RNASEH2C: variants seen among roughly 807,000 people sequenced by gnomAD.
RNASEH2C encodes the protein ribonuclease H2 subunit C.
A neutral mutation model predicts 16.3 loss-of-function variants in RNASEH2C; 20 were observed. The ratio of observed to expected loss-of-function variants is 1.23; its 90% CI spans 0.86 to 1.79. The LOEUF is 1.79. Ranked by LOEUF, RNASEH2C falls within the 40% of genes most tolerant of loss-of-function variation. The probability of loss-of-function intolerance (pLI) is 0.00; values close to 1 mark genes in which losing one functional copy is unlikely to be tolerated. For missense variants in RNASEH2C, 296 were observed against 235.9 expected (o/e 1.25, Z -1.67); for synonymous variants, 106 against 98.9 (o/e 1.07, Z -0.43).
chr11:65,718,283 T>G lies in RNASEH2C; in HGVS notation c.*1500A>C, dbSNP rs575319291. On this transcript the variant is annotated 3_prime_UTR_variant, in exon 4 of 4. Transcript: ENST00000308418. ...GCAAAGGAAAATTGGAGGCCCCTTC[T>G]TCCCATGAGCCATTTTCTCTGCATC... is the stretch of plus-strand genomic sequence containing the variant. 8.2e-5 allele frequency: 23 copies of G among 280,450 alleles called. No homozygotes were observed. The South Asian group carries it at 1.7e-3, about 21-fold the overall frequency. 17.4% of individuals were successfully genotyped at this position (280,450 alleles called of 1,614,324 possible).
chr11:65,718,502 G>T lies in RNASEH2C; in HGVS notation c.*1281C>A, dbSNP rs528634366. The T allele has an allele frequency of 4.3e-6, 6 of 1,408,598 alleles. No individual in the cohort carries two copies. In the African/African-American group the frequency reaches 7.1e-5, roughly 17 times the overall value. 87.3% of individuals were successfully genotyped at this position (1,408,598 alleles called of 1,614,324 possible). ...GTGGCAGGGCCATGATAGGAACTAG[G>T]CAGCCTGCCTTGGCAACCTGTGTTT... On this transcript the variant is annotated 3_prime_UTR_variant, in exon 4 of 4. Transcript: ENST00000308418.
At chr11:65,719,967 T>C in intron 3 of RNASEH2C, 78 bp downstream of exon 3, 2 of 1,608,670 alleles carry the variant, frequency 1.2e-6, no homozygotes, top group Non-Finnish European at 1.7e-6. Context: ...CCCAGTAGAA[T>C]CCTCCAGGCT....
In RNASEH2C at chr11:65,720,755, C is replaced by A. The variant is rs1857363780; in HGVS notation, c.4G>T (p.Glu2Ter). Reference sequence around the variant, plus strand: ...TCGATGGCCGCTTCGTCGCCGCTCTCCATCCTCCCTCCTACGCGACGCCAG... The same window carrying A: ...TCGATGGCCGCTTCGTCGCCGCTCTACATCCTCCCTCCTACGCGACGCCAG... M[E>*]SGDEAAIERH... Residue 2 changes from glutamate to a stop codon, truncating the protein, a stop_gained, in exon 1 of 4, where the codon GAG (glutamate) becomes TAG (stop). Transcript: ENST00000308418. LOFTEE classifies it high-confidence loss of function. The A allele has an allele frequency of 1.3e-6, 2 of 1,590,752 alleles. No homozygotes were observed. The highest frequency in any genetic ancestry group is 2.3e-5 in the East Asian group (1 of 43,820).
rs1388954201 is a variant in RNASEH2C at position 65,720,074 on chromosome 11, C to T, written c.439G>A (p.Ala147Thr). ...IPGPDAKVRG[A>T]LTWPSLAAAI... The stretch of plus-strand genomic sequence containing the variant: ...GCCGCAAGGCTGGGCCAAGTTAAGG[C>T]CCCACGCACTTTGGCATCCGGGCCA... The change falls in exon 3 of 4, where the codon GCC (alanine) becomes ACC (threonine). Residue 147 changes from alanine (A) to threonine (T), a missense_variant. Ala to Thr is a moderately conservative substitution (Grantham distance 58). Coordinates refer to ENST00000308418, the MANE Select transcript of RNASEH2C (RefSeq NM_032193.4). The T allele has an allele frequency of 6.2e-7, 1 of 1,614,028 alleles. No individual in the cohort carries two copies. The highest frequency in any genetic ancestry group is 1.1e-5 in the South Asian group (1 of 91,088).
chr11:65,719,223 G>C lies in RNASEH2C; in HGVS notation c.*560C>G. Reference sequence around the variant, plus strand: ...GCAGTGCCAAGACGGCAGCAGGACTGGGGCTGATAGCCCACCCCGCCCCCA... The same window carrying C: ...GCAGTGCCAAGACGGCAGCAGGACTCGGGCTGATAGCCCACCCCGCCCCCA... On this transcript the variant is annotated 3_prime_UTR_variant, in exon 4 of 4. Coordinates refer to ENST00000308418, the MANE Select transcript of RNASEH2C (RefSeq NM_032193.4). 6.2e-7 allele frequency: 1 copy of C among 1,603,852 alleles called. No individual in the cohort carries two copies. The highest frequency in any genetic ancestry group is 8.5e-7 in the Non-Finnish European group (1 of 1,175,474).
chr11:65,719,235 C>G lies in RNASEH2C; in HGVS notation c.*548G>C. On this transcript the variant is annotated 3_prime_UTR_variant, in exon 4 of 4. Coordinates refer to ENST00000308418, the MANE Select transcript of RNASEH2C (RefSeq NM_032193.4). ...CGGCAGCAGGACTGGGGCTGATAGC[C>G]CACCCCGCCCCCACTGCAGCTCCCA... 3 of 1,588,668 alleles carry G rather than the reference C, an allele frequency of 1.9e-6. No homozygotes were observed. The highest frequency in any genetic ancestry group is 2.6e-6 in the Non-Finnish European group (3 of 1,166,558).
chr11:65,720,056 G>A lies in RNASEH2C; in HGVS notation c.457C>T (p.Leu153Phe), dbSNP rs3178149. 18 of 1,613,706 alleles carry A rather than the reference G, an allele frequency of 1.1e-5. No individual in the cohort carries two copies. Among genetic ancestry groups the A allele is most frequent in the Non-Finnish European group, 1.4e-5 (17 of 1,180,058 alleles). Residue 153 changes from leucine (L) to phenylalanine (F), a missense_variant, in exon 3 of 4, where the codon CTT becomes TTT. Coordinates refer to ENST00000308418, the MANE Select transcript of RNASEH2C (RefSeq NM_032193.4). Reference sequence around the variant, plus strand: ...CCTCGTCTACTCACCGCTGCCGCAAGGCTGGGCCAAGTTAAGGCCCCACGC... The same window carrying A: ...CCTCGTCTACTCACCGCTGCCGCAAAGCTGGGCCAAGTTAAGGCCCCACGC... The part of the protein sequence containing the change: ...KVRGALTWPS[L>F]AAAIHAQVPE...
Position 65,719,010 on chromosome 11 carries a change from G to A in RNASEH2C, c.*773C>T, listed in dbSNP as rs1340123771. On this transcript the variant is annotated 3_prime_UTR_variant, in exon 4 of 4. Transcript: ENST00000308418. Reference sequence around the variant, plus strand: ...TGGGATGCAGAGTGCAGTCCTCTGTGGGCTGACCACCTGCTGAACCCATCT... The same window carrying A: ...TGGGATGCAGAGTGCAGTCCTCTGTAGGCTGACCACCTGCTGAACCCATCT... 6.2e-7 allele frequency: 1 copy of A among 1,614,018 alleles called. No individual in the cohort carries two copies. Among genetic ancestry groups the A allele is most frequent in the Non-Finnish European group, 8.5e-7 (1 of 1,179,956 alleles).
In RNASEH2C at chr11:65,718,615, G is replaced by C; in HGVS notation, c.*1168C>G. 1.9e-6 allele frequency: 3 copies of C among 1,614,206 alleles called. No individual in the cohort carries two copies. Among genetic ancestry groups the C allele is most frequent in the Non-Finnish European group, 2.5e-6 (3 of 1,180,034 alleles). On this transcript the variant is annotated 3_prime_UTR_variant, in exon 4 of 4. Transcript: ENST00000308418. ...GCTATGAACTCTCCAAAGTGGAAGGGAAAACAGGGACCCCTGAGAAGCCCC... is the reference window on the plus strand; with the variant it reads ...GCTATGAACTCTCCAAAGTGGAAGGCAAAACAGGGACCCCTGAGAAGCCCC...
chr11:65,719,841 T>G (rs754078641), intron 3 of RNASEH2C, 32 bp from the exon 4 acceptor site: 2 of 1,613,962 alleles, frequency 1.2e-6, no homozygotes, highest in Non-Finnish European at 1.7e-6. Flanking sequence ...CTGTTGGACT[T>G]GTAAGACAGG....
In RNASEH2C at chr11:65,719,340, G is replaced by C. The variant is rs1857318627; in HGVS notation, c.*443C>G. 1.1e-6 allele frequency: 1 copy of C among 902,362 alleles called. No individual in the cohort carries two copies. Among genetic ancestry groups the C allele is most frequent in the Non-Finnish European group, 1.6e-6 (1 of 611,444 alleles). 55.9% of individuals were successfully genotyped at this position (902,362 alleles called of 1,614,324 possible). A position where few individuals can be genotyped will look rare whatever the true frequency, so the allele number is the denominator to read the frequency against. On this transcript the variant is annotated 3_prime_UTR_variant, in exon 4 of 4. Coordinates refer to ENST00000308418, the MANE Select transcript of RNASEH2C (RefSeq NM_032193.4). ...CCTGGCAGGGGCCCACTGGTGCCCAGCACCAAGGCGAGCTCCGGGCTCAGA... is the reference window on the plus strand; with the variant it reads ...CCTGGCAGGGGCCCACTGGTGCCCACCACCAAGGCGAGCTCCGGGCTCAGA...
intron 3 of RNASEH2C, 73 bp from the exon 4 acceptor site, chr11:65,719,882 G>GTT: frequency 1.2e-6 from 2 of 1,606,756 alleles, no homozygotes; most frequent in Non-Finnish European, 8.5e-7. Context: ...CCCGAGGAAG[G>GTT]ACCCAGCTGT....
chr11:65,718,804 G>A lies in RNASEH2C; in HGVS notation c.*979C>T. 1.2e-6 allele frequency: 2 copies of A among 1,613,930 alleles called. No homozygotes were observed. Among genetic ancestry groups the A allele is most frequent in the Non-Finnish European group, 1.7e-6 (2 of 1,179,876 alleles). On this transcript the variant is annotated 3_prime_UTR_variant, in exon 4 of 4. Transcript: ENST00000308418. Reference sequence around the variant, plus strand: ...CATGGCATGGCTTGTCTGTTCCTGGGCTTTCTCTCTCAGGGCTCCTGGGGA... The same window carrying A: ...CATGGCATGGCTTGTCTGTTCCTGGACTTTCTCTCTCAGGGCTCCTGGGGA...
At position 65,717,866 on chromosome 11, in the gene RNASEH2C, A is replaced by G. The variant is rs535111; in HGVS notation, c.*1917T>C. 0.37 allele frequency: 56,968 copies of G among 152,350 alleles called. 11,067 individuals carry two copies. The highest frequency in any genetic ancestry group is 0.45 in the Middle Eastern group (132 of 296). 9.4% of individuals were successfully genotyped at this position (152,350 alleles called of 1,614,324 possible). A position where few individuals can be genotyped will look rare whatever the true frequency, so the allele number is the denominator to read the frequency against. On this transcript the variant is annotated 3_prime_UTR_variant, in exon 4 of 4. Coordinates refer to ENST00000308418, the MANE Select transcript of RNASEH2C (RefSeq NM_032193.4). The stretch of plus-strand genomic sequence containing the variant: ...ATTATGAGGGTGAGGAAGGGCTTCT[A>G]GAAGTAACAAACATCCCAGGTCCCT...
chr11:65,719,630 A>G lies in RNASEH2C; in HGVS notation c.*153T>C. On this transcript the variant is annotated 3_prime_UTR_variant, in exon 4 of 4. Transcript: ENST00000308418. ...GAGCCATGCAAAGTTCTTGGTGGGGAGGGGGAAAGGGCCCATGCTGGCTTA... is the reference window on the plus strand; with the variant it reads ...GAGCCATGCAAAGTTCTTGGTGGGGGGGGGGAAAGGGCCCATGCTGGCTTA... 7.7e-6 allele frequency: 6 copies of G among 779,454 alleles called. No homozygotes were observed. Among genetic ancestry groups the G allele is most frequent in the East Asian group, 2.5e-5 (1 of 39,708 alleles). 48.3% of individuals were successfully genotyped at this position (779,454 alleles called of 1,614,324 possible).
Position 65,718,738 on chromosome 11 carries a change from G to C in RNASEH2C, c.*1045C>G, listed in dbSNP as rs1311321085. 6.2e-7 allele frequency: 1 copy of C among 1,614,072 alleles called. No homozygotes were observed. Among genetic ancestry groups the C allele is most frequent in the Non-Finnish European group, 8.5e-7 (1 of 1,180,036 alleles). ...AGTCGGAGAGCGGGGAGAGGCCACAGATCACCATCAAGTGAGCCTGGCGCT... is the reference window on the plus strand; with the variant it reads ...AGTCGGAGAGCGGGGAGAGGCCACACATCACCATCAAGTGAGCCTGGCGCT... On this transcript the variant is annotated 3_prime_UTR_variant, in exon 4 of 4. Transcript: ENST00000308418.
intron 1 of RNASEH2C, 63 bp downstream of exon 1, chr11:65,720,524 G>C (rs1336722824): frequency 6.5e-7 from 1 of 1,548,998 alleles, no homozygotes; most frequent in African/African-American, 1.4e-5. Flanking sequence ...GAGCCCAGGC[G>C]ATGAGAAGCG....
chr11:65,719,960 A>G, intron 3 of RNASEH2C, 85 bp downstream of exon 3: 2 of 1,608,054 alleles, frequency 1.2e-6, no homozygotes, highest in Admixed American at 1.7e-5. Context: ...CACACTACCC[A>G]GTAGAATCCT....
rs1303911854 is a variant in RNASEH2C, at chr11:65,719,424, G to A, written c.*359C>T. Reference sequence around the variant, plus strand: ...CCTCCTCTGAAGCAGGGACCAGAGGGAGCCAGGCAGCTGTGTACAGTGAGA... The same window carrying A: ...CCTCCTCTGAAGCAGGGACCAGAGGAAGCCAGGCAGCTGTGTACAGTGAGA... On this transcript the variant is annotated 3_prime_UTR_variant, in exon 4 of 4. Transcript: ENST00000308418. 3 of 608,064 alleles carry A rather than the reference G, an allele frequency of 4.9e-6. No homozygotes were observed. Among genetic ancestry groups the A allele is most frequent in the African/African-American group, 1.9e-5 (1 of 53,964 alleles). 37.7% of individuals were successfully genotyped at this position (608,064 alleles called of 1,614,324 possible).
Sources: gnomAD v4.1 joint callset for allele counts on GRCh38, gnomAD v4.1.1 for gene constraint, MANE v1.5 for transcripts, NCBI Gene and HGNC (gene_info 2026-07-23, HGNC 2026-07-21) for gene names.